Variants in DDX10 observed in about 807,000 individuals in gnomAD.
DDX10 encodes the protein probable ATP-dependent RNA helicase DDX10.
In DDX10, 74 loss-of-function variants were observed where a neutral mutation model predicts 104.3. The observed-to-expected ratio is 0.71, with a 90% CI of 0.59 to 0.86. The LOEUF is 0.86. Ranked by LOEUF, DDX10 falls within the 40% of genes least tolerant of loss-of-function variation. DDX10 has a pLI of 0.00. For synonymous variants in DDX10, 351 were observed against 353.4 expected (o/e 0.99, Z 0.08); for missense variants, 952 against 1,040.0 (o/e 0.92, Z 1.16).
intron 13 of DDX10, among the ~76,000 whole-genome samples, chr11:108,750,137 G>T (rs1473509532): frequency 6.6e-6 from 1 of 152,172 alleles, no homozygotes; most frequent in Non-Finnish European, 1.5e-5. Flanking sequence ...GCCATTTTAA[G>T]ATTCTGTTAT....
chr11:108,925,339 A>G (rs1451972982), intron 17 of DDX10, among the ~76,000 whole-genome samples: 1 of 152,152 alleles, frequency 6.6e-6, no homozygotes, highest in East Asian at 1.9e-4. Flanking sequence ...CTACTCTATC[A>G]TTTAGTCAAC....
chr11:108,723,388 G>C lies in DDX10; in HGVS notation c.1891G>C (p.Glu631Gln). The C allele has an allele frequency of 6.2e-7, 1 of 1,613,996 alleles. No homozygotes were observed. ...GTTCTTGGACAGAGATGAGGAGGAAGAAGATGCTGATTTCTTGAAGGTGAA... is the reference window on the plus strand; with the variant it reads ...GTTCTTGGACAGAGATGAGGAGGAACAAGATGCTGATTTCTTGAAGGTGAA... ...TQFLDRDEEE[E>Q]DADFLKVKRH... Residue 631 changes from glutamate to glutamine, a missense_variant, in exon 13 of 18, where the codon GAA (glutamate) becomes CAA (glutamine). Coordinates refer to ENST00000322536, the MANE Select transcript of DDX10 (RefSeq NM_004398.4).
At chr11:108,915,949 T>TAAAAAAA (rs34651677) in intron 16 of DDX10, among the ~76,000 whole-genome samples, 1 of 127,716 alleles carries the variant, frequency 7.8e-6, no homozygotes, top group Non-Finnish European at 1.6e-5. Context: ...TGCAAAAATG[T>TAAAAAAA]AAAAAAAAAA....
In DDX10 at chr11:108,723,123, T is replaced by A. The variant is rs2094300643; in HGVS notation, c.1626T>A (p.Asn542Lys). The change falls in exon 13 of 18, where the codon AAT (asparagine) becomes AAA (lysine). Residue 542 changes from asparagine to lysine, a missense_variant. By Grantham distance (94) the Asn-to-Lys change is moderately conservative. Transcript: ENST00000322536. The stretch of plus-strand genomic sequence containing the variant: ...AGCCAAGGGCTCCCTCCCTCACCAA[T>A]GACGAAGTGGAAGAATTTAGAGCCT... The part of the protein sequence containing the change: ...VIEPRAPSLT[N>K]DEVEEFRAYF... 20 of 1,613,802 alleles carry A rather than the reference T, an allele frequency of 1.2e-5. No homozygotes were observed. The highest frequency in any genetic ancestry group is 1.5e-5 in the Non-Finnish European group (18 of 1,179,852).
intron 15 of DDX10, 67 bp downstream of exon 15, chr11:108,841,543 T>G (rs1862639022): frequency 1.5e-6 from 2 of 1,359,702 alleles, no homozygotes; most frequent in Admixed American, 2.0e-5. Context: ...TAAATATTCA[T>G]TAGCTATTCA....
intron 13 of DDX10, among the ~76,000 whole-genome samples, chr11:108,811,851 TATAAA>T (rs1862186225): frequency 7.5e-6 from 1 of 133,610 alleles, no homozygotes; most frequent in South Asian, 2.7e-4. Context: ...AAAGGACAAT[TATAAA>T]AGGGAAACAC....
intron 1 of DDX10, among the ~76,000 whole-genome samples, chr11:108,668,170 C>T (rs913212091): frequency 6.6e-6 from 1 of 152,184 alleles, no homozygotes; most frequent in African/African-American, 2.4e-5. Flanking sequence ...TCCGTATACT[C>T]ACCACAAATA....
At chr11:108,836,450 A>G (rs1417554588) in intron 13 of DDX10, among the ~76,000 whole-genome samples, 1 of 152,136 alleles carries the variant, frequency 6.6e-6, no homozygotes, top group African/African-American at 2.4e-5. Flanking sequence ...ACAAGTCTTT[A>G]TAGTAGGTTT....
intron 11 of DDX10, among the ~76,000 whole-genome samples, chr11:108,717,551 A>T (rs1368501598): frequency 2.6e-5 from 4 of 152,154 alleles, no homozygotes; most frequent in African/African-American, 9.7e-5. Context: ...GCCTCAAGTG[A>T]TCCGCTTGCC....
chr11:108,739,717 A>T (rs2094322839), intron 13 of DDX10, among the ~76,000 whole-genome samples: 1 of 152,156 alleles, frequency 6.6e-6, no homozygotes, highest in Admixed American at 6.5e-5. Flanking sequence ...GGATTAGTAA[A>T]TATTAGTTTT....
At chr11:108,927,006 G>A (rs1008603496) in intron 17 of DDX10, among the ~76,000 whole-genome samples, 3 of 152,166 alleles carry the variant, frequency 2.0e-5, no homozygotes, top group Admixed American at 2.0e-4. Context: ...GCTTTCCACA[G>A]CCAGTTTAGC....
At chr11:108,810,578 T>A (rs1862165826) in intron 13 of DDX10, among the ~76,000 whole-genome samples, 2 of 152,132 alleles carry the variant, frequency 1.3e-5, no homozygotes, top group South Asian at 4.1e-4. Context: ...ACCTACTGAT[T>A]GGGTTCACAT....
intron 10 of DDX10, among the ~76,000 whole-genome samples, chr11:108,713,088 TA>T (rs1015306486): frequency 7.2e-5 from 11 of 152,074 alleles, no homozygotes; most frequent in East Asian, 3.9e-4. Context: ...CTTTCAGGAT[TA>T]AAAAAATATT....
chr11:108,829,835 G>A (rs1862445126), intron 13 of DDX10, among the ~76,000 whole-genome samples: 1 of 152,174 alleles, frequency 6.6e-6, no homozygotes. Flanking sequence ...TTGTCGAATA[G>A]TGTGTGCTTT....
At chr11:108,903,624 A>G (rs1863548397) in intron 16 of DDX10, among the ~76,000 whole-genome samples, 1 of 152,150 alleles carries the variant, frequency 6.6e-6, no homozygotes, top group Non-Finnish European at 1.5e-5. Context: ...CTTAAAGTAT[A>G]TGGGAGGATA....
At chr11:108,747,509 A>G (rs942050728) in intron 13 of DDX10, among the ~76,000 whole-genome samples, 2 of 152,180 alleles carry the variant, frequency 1.3e-5, no homozygotes, top group South Asian at 2.1e-4. Context: ...TGTAAGAAAC[A>G]TGGAGAGAAG....
At chr11:108,846,745 G>C (rs779499600) in intron 15 of DDX10, among the ~76,000 whole-genome samples, 2 of 152,134 alleles carry the variant, frequency 1.3e-5, no homozygotes, top group African/African-American at 4.8e-5. Context: ...TGAGAGTGCA[G>C]ACATCTATTT....
At chr11:108,724,284 TAAA>T (rs879759126) in intron 13 of DDX10, among the ~76,000 whole-genome samples, 4 of 149,026 alleles carry the variant, frequency 2.7e-5, no homozygotes, top group Admixed American at 6.7e-5. Flanking sequence ...AACTAAAAAT[TAAA>T]AAAAAAACCT....
intron 13 of DDX10, among the ~76,000 whole-genome samples, chr11:108,828,944 A>G (rs1007990198): frequency 1.3e-5 from 2 of 152,200 alleles, no homozygotes; most frequent in Non-Finnish European, 2.9e-5. Context: ...GATTACAGGC[A>G]TGAGCCACTG....
Sources: allele counts gnomAD v4.1 joint callset (sites outside exome capture counted in the v4.1 genomes callset), GRCh38; gene constraint gnomAD v4.1.1; transcripts MANE v1.5; gene names NCBI Gene and HGNC (gene_info 2026-07-23, HGNC 2026-07-21).